The following KCNG3 variants were observed in gnomAD, a reference collection of about 807,000 sequenced individuals.
KCNG3 encodes voltage-gated potassium channel regulatory subunit KCNG3.
KCNG3 carries 15 observed loss-of-function variants against 29.0 expected under a neutral mutation model. That is an observed-to-expected ratio of 0.52 (90% confidence interval 0.35 to 0.80). The LOEUF (loss-of-function observed/expected upper bound fraction) is 0.80, where lower values mean the gene tolerates loss of function less well. Among genes scored for constraint, KCNG3 ranks in the 30% least tolerant of loss-of-function variants. The pLI, the probability that KCNG3 is intolerant of heterozygous loss-of-function variation, is 0.01. For missense variants in KCNG3, 512 were observed against 605.7 expected (o/e 0.85, Z 1.62); for synonymous variants, 322 against 248.9 (o/e 1.29, Z -2.76).
the KCNG3 span, among the ~76,000 whole-genome samples, chr2:42,407,675 G>A: frequency 8.5e-5 from 13 of 152,048 alleles, no homozygotes; most frequent in Admixed American, 3.3e-4. Context: ...CTGCAGACCC[G>A]GGCCTCCCTG....
At chr2:42,452,209 A>G (rs1672771689) in intron 1 of KCNG3, among the ~76,000 whole-genome samples, 1 of 141,502 alleles carries the variant, frequency 7.1e-6, no homozygotes, top group African/African-American at 2.6e-5. Context: ...ATCAGGGTAA[A>G]TGGGGTGGTA....
At chr2:42,441,995 A>C (rs1462889933), downstream of KCNG3, 1 of 151,980 alleles carries the variant, frequency 6.6e-6, no homozygotes, top group Non-Finnish European at 1.5e-5. Flanking sequence ...ATTCACATAA[A>C]GCGGTCCCAG....
At chr2:42,434,836 T>C in the KCNG3 span, among the ~76,000 whole-genome samples, 1 of 152,202 alleles carries the variant, frequency 6.6e-6, no homozygotes, top group African/African-American at 2.4e-5. Context: ...CAATTGATTT[T>C]TGTCAAAAGT....
rs567212714 is a variant in KCNG3, at chr2:42,484,564, G to A, written c.665+8273C>T. Among the ~76,000 whole-genome samples the A allele has an allele frequency of 2.4e-3, 360 of 152,268 alleles. 4 individuals are homozygous for A. Among genetic ancestry groups the A allele is most frequent in the African/African-American group, 8.0e-3 (334 of 41,562 alleles). On this transcript the variant is annotated intron_variant, in intron 1 of 1. Coordinates refer to ENST00000306078, the MANE Select transcript of KCNG3 (RefSeq NM_133329.6). Reference sequence around the variant, plus strand: ...TATGTGTTTGTGTGTGTGTGTACACGCACATGTGTATATATGTTCATATGT... The same window carrying A: ...TATGTGTTTGTGTGTGTGTGTACACACACATGTGTATATATGTTCATATGT...
chr2:42,406,936 T>C, the KCNG3 span, among the ~76,000 whole-genome samples: 1 of 152,052 alleles, frequency 6.6e-6, no homozygotes, highest in Non-Finnish European at 1.5e-5. Flanking sequence ...ATAAGAAACA[T>C]TCTATATGAT....
the KCNG3 span, among the ~76,000 whole-genome samples, chr2:42,399,755 G>T: frequency 6.6e-6 from 1 of 152,108 alleles, no homozygotes; most frequent in East Asian, 1.9e-4. Context: ...CAGCTTAGGT[G>T]CACAGGGTTG....
At chr2:42,448,299 G>A (rs1370153361) in intron 1 of KCNG3, among the ~76,000 whole-genome samples, 1 of 152,108 alleles carries the variant, frequency 6.6e-6, no homozygotes, top group African/African-American at 2.4e-5. Context: ...TAGTAACAGA[G>A]TTTGACAAAC....
chr2:42,446,605 T>C (rs952133806), intron 1 of KCNG3, among the ~76,000 whole-genome samples: 2 of 152,136 alleles, frequency 1.3e-5, no homozygotes, highest in East Asian at 1.9e-4. Context: ...GAGAAGAAAC[T>C]GGAGTAAGTG....
rs1674002461 is a variant in KCNG3 at position 42,493,934 on chromosome 2, C to G, written c.-433G>C. ...CCCCGTCTCCGGCGCTCCCTGCGGCCGCGAATCCGGCGGCCGCCCCGCCGC... is the reference window on the plus strand; with the variant it reads ...CCCCGTCTCCGGCGCTCCCTGCGGCGGCGAATCCGGCGGCCGCCCCGCCGC... On this transcript the variant is annotated 5_prime_UTR_variant, in exon 1 of 2. Transcript: ENST00000306078. 1 of 156,510 alleles carries G rather than the reference C, an allele frequency of 6.4e-6. No homozygotes were observed. The allele number at this position is 156,510 out of a possible 1,614,324, so 9.7% of individuals were successfully genotyped here.
At chr2:42,470,192 T>TATA in intron 1 of KCNG3, 1 of 425,844 alleles carries the variant, frequency 2.3e-6, no homozygotes, top group East Asian at 4.8e-5. Flanking sequence ...TTTGGCTTGA[T>TATA]ATTATAAGAC....
chr2:42,399,419 G>A, the KCNG3 span, among the ~76,000 whole-genome samples: 4 of 152,074 alleles, frequency 2.6e-5, no homozygotes, highest in African/African-American at 7.2e-5. Context: ...TCTGAGTAAC[G>A]TGATGTTAAA....
At chr2:42,472,643 CAT>C (rs1440321451) in intron 1 of KCNG3, among the ~76,000 whole-genome samples, 1 of 151,718 alleles carries the variant, frequency 6.6e-6, no homozygotes, top group Non-Finnish European at 1.5e-5. Flanking sequence ...GGACTACAGG[CAT>C]ATGCCAACAT....
At chr2:42,425,919 T>C in the KCNG3 span, among the ~76,000 whole-genome samples, 1 of 152,202 alleles carries the variant, frequency 6.6e-6, no homozygotes, top group Non-Finnish European at 1.5e-5. Context: ...TGAACTACTG[T>C]ACACAAATTG....
chr2:42,492,675 G>A (rs889729683), intron 1 of KCNG3, among the ~76,000 whole-genome samples, 162 bp downstream of exon 1: 1 of 151,486 alleles, frequency 6.6e-6, no homozygotes, highest in Non-Finnish European at 1.5e-5. Flanking sequence ...GGGTAGGAGT[G>A]GGGACCGACC....
chr2:42,439,587 T>TA (rs559704421), downstream of KCNG3, among the ~76,000 whole-genome samples: 8,373 of 122,764 alleles, frequency 0.068, 261 homozygotes, highest in Middle Eastern at 0.13. Context: ...ATTCAAACGT[T>TA]AAAAAAAAAA....
Position 42,492,839 on chromosome 2 carries a change from G to C in KCNG3, c.663C>G (p.Ser221=). 1 of 1,494,540 alleles carries C rather than the reference G, an allele frequency of 6.7e-7. No individual in the cohort carries two copies. Among genetic ancestry groups the C allele is most frequent in the Non-Finnish European group, 8.9e-7 (1 of 1,125,554 alleles). 92.6% of individuals were successfully genotyped at this position (1,494,540 alleles called of 1,614,324 possible). A position where few individuals can be genotyped will look rare whatever the true frequency, so the allele number is the denominator to read the frequency against. The part of the protein sequence containing the change: ...RYSAGPGREP[S]GIIEAICIGW... ...GGTAGAGAAGCAGTGCGTCCTACCC[G>C]GAGGGCTCCCTCCCAGGGCCGGCGG... Residue 221 remains serine, a splice_region_variant and synonymous_variant, in exon 1 of 2, where the codon TCC becomes TCG. Transcript: ENST00000306078.
downstream of KCNG3, among the ~76,000 whole-genome samples, chr2:42,439,251 G>GTA (rs66772527): frequency 1.1e-3 from 159 of 149,734 alleles, 1 homozygote; most frequent in African/African-American, 3.4e-3. Context: ...ATATATTATT[G>GTA]TATATATATA....
intron 1 of KCNG3, among the ~76,000 whole-genome samples, chr2:42,446,326 G>A (rs575001915): frequency 7.1e-4 from 108 of 151,570 alleles, no homozygotes; most frequent in Non-Finnish European, 2.2e-4. Context: ...ACAGGCGCGC[G>A]CGATCACGCC....
At chr2:42,419,443 T>C in the KCNG3 span, among the ~76,000 whole-genome samples, 1 of 151,842 alleles carries the variant, frequency 6.6e-6, no homozygotes, top group African/African-American at 2.4e-5. Flanking sequence ...GGTTTCGCCA[T>C]GTTGGTCAGG....
Sources: gnomAD v4.1 joint callset for allele counts (sites outside exome capture counted in the v4.1 genomes callset) on GRCh38, gnomAD v4.1.1 for gene constraint, MANE v1.5 for transcripts, NCBI Gene and HGNC (gene_info 2026-07-23, HGNC 2026-07-21) for gene names.